Variants in METTL24 observed in about 807,000 individuals in gnomAD.
The protein encoded by METTL24 is methyltransferase like 24.
In METTL24, 29 loss-of-function variants were observed where a neutral mutation model predicts 32.7. The observed-to-expected ratio is 0.89, with a 90% confidence interval of 0.66 to 1.21. METTL24 has a LOEUF of 1.21. METTL24 is among the 50% of genes most tolerant of loss of function. The probability of loss-of-function intolerance (pLI) is 0.00; values close to 1 mark genes in which losing one functional copy is unlikely to be tolerated. For synonymous variants in METTL24, 163 were observed against 179.5 expected, an observed-to-expected ratio of 0.91 and a Z score of 0.73; for missense variants, 439 against 468.1, an observed-to-expected ratio of 0.94 and a Z score of 0.57.
intron 1 of METTL24, among the ~76,000 whole-genome samples, chr6:110,338,435 T>C (rs551499481): frequency 6.6e-6 from 1 of 152,228 alleles, no homozygotes; most frequent in East Asian, 1.9e-4. Flanking sequence ...GAGGTGGAGG[T>C]TGCAGTGAGC....
In METTL24 at chr6:110,315,420, GGC is replaced by G. The variant is rs749085305; in HGVS notation, c.477_478del (p.Lys159AsnfsTer7). On this transcript the variant is annotated frameshift_variant, in exon 3 of 5. Coordinates refer to ENST00000338882, the MANE Select transcript of METTL24 (RefSeq NM_001123364.3). LOFTEE classifies it high-confidence loss of function. ...CCTGTCGTCAAGACACACTGACCAG[GGC>G]TTGTGTGTAGGACTAGAGTCAGTAG... 139 of 1,613,980 alleles carry G rather than the reference GGC, an allele frequency of 8.6e-5. No homozygotes were observed. Among genetic ancestry groups the G allele is most frequent in the Non-Finnish European group, 1.1e-4 (131 of 1,180,014 alleles).
intron 1 of METTL24, among the ~76,000 whole-genome samples, chr6:110,334,731 T>C (rs1582433642): frequency 6.6e-6 from 1 of 152,324 alleles, no homozygotes; most frequent in Non-Finnish European, 1.5e-5. Context: ...TATACATATA[T>C]GTATTTCTCA....
chr6:110,344,518 AT>A (rs1301864767), intron 1 of METTL24, among the ~76,000 whole-genome samples: 1 of 152,184 alleles, frequency 6.6e-6, no homozygotes, highest in African/African-American at 2.4e-5. Context: ...AAAAAGATAA[AT>A]TTCTACAACT....
chr6:110,287,530 C>T (rs1289985030), intron 4 of METTL24, among the ~76,000 whole-genome samples: 1 of 152,150 alleles, frequency 6.6e-6, no homozygotes, highest in African/African-American at 2.4e-5. Context: ...AGAAATTGCC[C>T]TGGGACCTGA....
intron 1 of METTL24, among the ~76,000 whole-genome samples, chr6:110,330,688 G>A (rs1772097015): frequency 6.6e-6 from 1 of 152,178 alleles, no homozygotes; most frequent in Non-Finnish European, 1.5e-5. Flanking sequence ...TGGGACAGAG[G>A]TGAAACCCCT....
chr6:110,295,774 G>T (rs961375094), intron 4 of METTL24, among the ~76,000 whole-genome samples: 13 of 122,558 alleles, frequency 1.1e-4, no homozygotes, highest in Admixed American at 9.3e-4. Flanking sequence ...TATTTTCCCC[G>T]GGAAAGAAAA....
intron 4 of METTL24, among the ~76,000 whole-genome samples, chr6:110,264,451 T>A (rs537906490): frequency 6.6e-6 from 1 of 152,198 alleles, no homozygotes; most frequent in Non-Finnish European, 1.5e-5. Context: ...AGAATGGCGA[T>A]CATTAAAAAG....
At chr6:110,272,551 T>C (rs1343352865) in intron 4 of METTL24, among the ~76,000 whole-genome samples, 1 of 152,242 alleles carries the variant, frequency 6.6e-6, no homozygotes, top group Non-Finnish European at 1.5e-5. Flanking sequence ...CCATTCTGTT[T>C]TCCATAGTGG....
chr6:110,261,611 T>C (rs897109477), intron 4 of METTL24, among the ~76,000 whole-genome samples: 2 of 152,218 alleles, frequency 1.3e-5, no homozygotes, highest in East Asian at 3.9e-4. Context: ...CTGCGCCAAG[T>C]GGACCTAATA....
Position 110,244,005 on chromosome 6 carries a change from T to C in METTL24, c.*1941A>G, listed in dbSNP as rs1223564916. Among the ~76,000 whole-genome samples the C allele has an allele frequency of 6.6e-6, 1 of 152,158 alleles. No individual in the cohort carries two copies. The highest frequency in any genetic ancestry group is 1.5e-5 in the Non-Finnish European group (1 of 68,018). On this transcript the variant is annotated 3_prime_UTR_variant, in exon 5 of 5. Coordinates refer to ENST00000338882, the MANE Select transcript of METTL24 (RefSeq NM_001123364.3). The stretch of plus-strand genomic sequence containing the variant: ...TTATGCACGTGTTTAATCCTGTAAA[T>C]AGTAATGAGAGAGAGCATTTGAACC...
At chr6:110,318,336 TC>T (rs1386523996) in intron 2 of METTL24, among the ~76,000 whole-genome samples, 2 of 152,188 alleles carry the variant, frequency 1.3e-5, no homozygotes, top group African/African-American at 4.8e-5. Flanking sequence ...GGTCCCCTCT[TC>T]CTTTCTTAGC....
At chr6:110,345,046 T>TA (rs1328774472) in intron 1 of METTL24, among the ~76,000 whole-genome samples, 1 of 152,156 alleles carries the variant, frequency 6.6e-6, no homozygotes, top group Non-Finnish European at 1.5e-5. Context: ...GACATAGGTC[T>TA]AATATCCAGC....
chr6:110,295,794 AAAGGAAGG>A (rs71018387), intron 4 of METTL24, among the ~76,000 whole-genome samples: 13,322 of 136,250 alleles, frequency 0.098, 847 homozygotes, highest in Middle Eastern at 0.16. Context: ...AGAAAGAAAG[AAAGGAAGG>A]AAGGAAGGAA....
At chr6:110,261,974 G>A (rs1770740319) in intron 4 of METTL24, among the ~76,000 whole-genome samples, 1 of 152,104 alleles carries the variant, frequency 6.6e-6, no homozygotes, top group African/African-American at 2.4e-5. Context: ...GCAGTGTGTA[G>A]AGGGAAATTT....
intron 3 of METTL24, among the ~76,000 whole-genome samples, chr6:110,310,159 G>A (rs924712679): frequency 1.3e-5 from 2 of 151,880 alleles, no homozygotes; most frequent in South Asian, 2.1e-4. Flanking sequence ...CCAGATTTTC[G>A]GTATAAAATA....
At chr6:110,258,789 TACACACAC>T (rs146964745) in intron 4 of METTL24, among the ~76,000 whole-genome samples, 14 of 145,802 alleles carry the variant, frequency 9.6e-5, no homozygotes, top group South Asian at 4.4e-4. Context: ...TAGATGCATT[TACACACAC>T]ACACACACAC....
intron 1 of METTL24, among the ~76,000 whole-genome samples, chr6:110,356,316 G>A (rs1168691342): frequency 6.6e-6 from 1 of 151,984 alleles, no homozygotes; most frequent in Non-Finnish European, 1.5e-5. Context: ...GGTGGTGCAC[G>A]CCTGTAATCC....
At chr6:110,326,859 G>A (rs972304609) in intron 1 of METTL24, among the ~76,000 whole-genome samples, 1 of 152,216 alleles carries the variant, frequency 6.6e-6, no homozygotes, top group Non-Finnish European at 1.5e-5. Context: ...CTGAGGCTGT[G>A]CTTGGTCCCT....
At chr6:110,328,675 G>A (rs980536108) in intron 1 of METTL24, among the ~76,000 whole-genome samples, 1 of 151,986 alleles carries the variant, frequency 6.6e-6, no homozygotes, top group East Asian at 1.9e-4. Context: ...AAAAGATAAT[G>A]CCAAAAAAAG....
Sources: gnomAD v4.1 joint callset for allele counts (sites outside exome capture counted in the v4.1 genomes callset) on GRCh38, gnomAD v4.1.1 for gene constraint, MANE v1.5 for transcripts, NCBI Gene and HGNC (gene_info 2026-07-23, HGNC 2026-07-21) for gene names.